The following ITLN2 variants were observed in gnomAD, a reference collection of about 807,000 sequenced individuals.
ITLN2 encodes intelectin 2.
Under a neutral mutation model 39.4 loss-of-function variants are expected in ITLN2, and 29 were observed. The ratio of observed to expected loss-of-function variants is 0.74; its 90% CI spans 0.55 to 1.00. The LOEUF (loss-of-function observed/expected upper bound fraction) is 1.00, where lower values mean the gene tolerates loss of function less well. Ranked by LOEUF, ITLN2 falls within the 50% of genes least tolerant of loss-of-function variation. The probability of loss-of-function intolerance (pLI) is 0.00; values close to 1 mark genes in which losing one functional copy is unlikely to be tolerated. For missense variants in ITLN2, 412 were observed against 416.7 expected, an observed-to-expected ratio of 0.99 and a Z score of 0.10; for synonymous variants, 156 against 153.4, an observed-to-expected ratio of 1.02 and a Z score of -0.12.
At chr1:160,951,387 C>A in intron 3 of ITLN2, 97 bp from the exon 4 acceptor site, 1 of 1,457,432 alleles carries the variant, frequency 6.9e-7, no homozygotes, top group Non-Finnish European at 9.2e-7. Flanking sequence ...AAAGCACACT[C>A]AGAAGACTCC....
At chr1:160,950,230 G>A in intron 5 of ITLN2, 64 bp from the exon 6 acceptor site, 1 of 1,568,816 alleles carries the variant, frequency 6.4e-7, no homozygotes, top group South Asian at 1.1e-5. Flanking sequence ...TGTGGGGGGA[G>A]GAGGGGTTTC....
At position 160,954,804 on chromosome 1, in the gene ITLN2, G is replaced by T; in HGVS notation, c.-63C>A. The T allele has an allele frequency of 6.3e-7, 1 of 1,578,286 alleles. No homozygotes were observed. Among genetic ancestry groups the T allele is most frequent in the South Asian group, 1.1e-5 (1 of 89,450 alleles). On this transcript the variant is annotated 5_prime_UTR_variant, in exon 1 of 8. Coordinates refer to ENST00000368029, the MANE Select transcript of ITLN2 (RefSeq NM_080878.3). ...GGACACTCGGAGCTCCCCTGCAGAG[G>T]ATCCTGATGAAGGGTGAAGTGCTGG...
At chr1:160,952,333 C>T (rs2101940657) in intron 3 of ITLN2, among the ~76,000 whole-genome samples, 1 of 152,244 alleles carries the variant, frequency 6.6e-6, no homozygotes, top group Middle Eastern at 3.4e-3. Context: ...AGGTTTTCTG[C>T]CAGCATCTAT....
At chr1:160,952,367 A>T (rs1006562138) in intron 3 of ITLN2, among the ~76,000 whole-genome samples, 9 of 151,878 alleles carry the variant, frequency 5.9e-5, no homozygotes, top group African/African-American at 2.2e-4. Flanking sequence ...GTAGGGGCAA[A>T]TCTCAGACGC....
chr1:160,948,599 G>A (rs2101937707), intron 6 of ITLN2: 1 of 149,158 alleles, frequency 6.7e-6, no homozygotes, highest in Admixed American at 6.7e-5. Flanking sequence ...CTCTGCTAGT[G>A]GTTCTTTCCT....
intron 3 of ITLN2, among the ~76,000 whole-genome samples, chr1:160,951,820 A>G (rs575869424): frequency 6.6e-6 from 1 of 152,342 alleles, no homozygotes; most frequent in African/African-American, 2.4e-5. Context: ...TTCCCCAAAC[A>G]TGGAAAGATG....
chr1:160,950,547 G>C lies in ITLN2; in HGVS notation c.600+6C>G, dbSNP rs1671716332. On this transcript the variant is annotated splice_donor_region_variant and intron_variant, in intron 5 of 7. Transcript: ENST00000368029. ...AAAGTGCCCCCCAGCCAGCAGCCCT[G>C]TGTACCTGGTAGATGCCAAACAGAT... 1.2e-6 allele frequency: 2 copies of C among 1,613,260 alleles called. No homozygotes were observed. Among genetic ancestry groups the C allele is most frequent in the East Asian group, 4.5e-5 (2 of 44,882 alleles).
chr1:160,950,816 C>T, intron 4 of ITLN2, 105 bp from the exon 5 acceptor site: 3 of 1,515,860 alleles, frequency 2.0e-6, no homozygotes, highest in Non-Finnish European at 2.7e-6. Flanking sequence ...GATCAGTAGG[C>T]AGATGGCCAG....
Position 160,952,699 on chromosome 1 carries a change from T to A in ITLN2, c.114A>T (p.Glu38Asp). The part of the protein sequence containing the change: ...AASSLEMLSR[E>D]FETCAFSFSS... ...AAAAGGAGAAGGCACAGGTTTCGAA[T>A]TCCCTCGAGAGCATCTCAAGAGAAG... The change falls in exon 3 of 8, where the codon GAA (glutamate) becomes GAT (aspartate). Residue 38 changes from glutamate to aspartate, a missense_variant. Physicochemically the swap from Glu to Asp is conservative, Grantham distance 45 (BLOSUM62 2). Transcript: ENST00000368029. The A allele has an allele frequency of 6.2e-7, 1 of 1,614,002 alleles. No individual in the cohort carries two copies. Among genetic ancestry groups the A allele is most frequent in the South Asian group, 1.1e-5 (1 of 91,074 alleles).
Position 160,945,228 on chromosome 1 carries a change from G to T in ITLN2, c.890C>A (p.Ala297Asp). 1 of 1,607,374 alleles carries T rather than the reference G, an allele frequency of 6.2e-7. No individual in the cohort carries two copies. The highest frequency in any genetic ancestry group is 8.5e-7 in the Non-Finnish European group (1 of 1,178,352). The change falls in exon 8 of 8, where the codon GCC becomes GAC. Residue 297 changes from alanine to aspartate, a missense_variant. Transcript: ENST00000368029. ...GKPRQCGDFS[A>D]FDWDGYGTHV... ...AGTTCCATATCCATCCCAGTCAAAG[G>T]CGGAGAAGTCCCCACACTGACGGGG...
Position 160,950,142 on chromosome 1 carries a change from C to T in ITLN2, c.625G>A (p.Gly209Arg), listed in dbSNP as rs1178830212. Residue 209 changes from glycine (G) to arginine (R), a missense_variant, in exon 6 of 8, where the codon GGG (glycine) becomes AGG (arginine). Gly to Arg is a moderately radical substitution (Grantham distance 125). Transcript: ENST00000368029. ...YQKYPVKYRSGKCWNDNGPAI... is the reference protein window; with the variant it reads ...YQKYPVKYRSRKCWNDNGPAI... ...GGGCCATTGTCATTCCAACATTTCC[C>T]TGATCTGTATTTCACTGGGTATTTC... is the stretch of plus-strand genomic sequence containing the variant. 1 of 1,613,916 alleles carries T rather than the reference C, an allele frequency of 6.2e-7. No individual in the cohort carries two copies.
At position 160,952,622 on chromosome 1, in the gene ITLN2, C is replaced by A. The variant is rs1198842081; in HGVS notation, c.191G>T (p.Gly64Val). The A allele has an allele frequency of 6.2e-7, 1 of 1,608,860 alleles. No homozygotes were observed. The highest frequency in any genetic ancestry group is 8.5e-7 in the Non-Finnish European group (1 of 1,175,152). Residue 64 changes from glycine (G) to valine (V), a missense_variant and splice_region_variant, in exon 3 of 8, where the codon GGT becomes GTT. Physicochemically the swap from Gly to Val is moderately radical, Grantham distance 109. Coordinates refer to ENST00000368029, the MANE Select transcript of ITLN2 (RefSeq NM_080878.3). ...TGCTGAGTTGGTTCATTACTCACCACCTGCACTATGGCAGCGTTCCTTGAT... is the reference window on the plus strand; with the variant it reads ...TGCTGAGTTGGTTCATTACTCACCAACTGCACTATGGCAGCGTTCCTTGAT... ...KEIKERCHSA[G>V]DGLYFLRTKN...
At chr1:160,947,221 A>G (rs1214291636) in intron 7 of ITLN2, among the ~76,000 whole-genome samples, 4 of 152,250 alleles carry the variant, frequency 2.6e-5, no homozygotes, top group African/African-American at 4.8e-5. Flanking sequence ...GGATGTGCAC[A>G]TAGGCTAGAT....
In ITLN2 at chr1:160,950,958, C is replaced by T. The variant is rs1017623617; in HGVS notation, c.441+85G>A. On this transcript the variant is annotated intron_variant, in intron 4 of 7. Coordinates refer to ENST00000368029, the MANE Select transcript of ITLN2 (RefSeq NM_080878.3). The stretch of plus-strand genomic sequence containing the variant: ...TCTCCAGCCCTTCCCCATATCCCCA[C>T]CTTCCAGCCCTCCCTCCTGCAGGCT... The T allele has an allele frequency of 6.8e-6, 11 of 1,609,422 alleles. No individual in the cohort carries two copies. The South Asian group carries it at 1.1e-4, about 16-fold the overall frequency.
At position 160,950,180 on chromosome 1, in the gene ITLN2, G is replaced by C; in HGVS notation, c.601-14C>G. 1 of 1,613,778 alleles carries C rather than the reference G, an allele frequency of 6.2e-7. No homozygotes were observed. The highest frequency in any genetic ancestry group is 8.5e-7 in the Non-Finnish European group (1 of 1,179,704). On this transcript the variant is annotated splice_polypyrimidine_tract_variant and intron_variant, in intron 5 of 7. Transcript: ENST00000368029. ...CACTGGGTATTTCTGCAGAGACCCA[G>C]AAGAAAGGTTTTGTGAGGACAGTAG...
Position 160,954,674 on chromosome 1 carries a change from C to A in ITLN2, c.15+53G>T, listed in dbSNP as rs2101942113. 2.5e-6 allele frequency: 4 copies of A among 1,603,140 alleles called. No homozygotes were observed. In the South Asian group the frequency reaches 3.3e-5, roughly 13 times the overall value. The stretch of plus-strand genomic sequence containing the variant: ...AAACTCTAAATCTCTAAAACTGAGA[C>A]CTGAGCTGGCATCATTGCTCCCACA... On this transcript the variant is annotated intron_variant, in intron 1 of 7. Coordinates refer to ENST00000368029, the MANE Select transcript of ITLN2 (RefSeq NM_080878.3).
At chr1:160,945,366 C>A in intron 7 of ITLN2, 74 bp from the exon 8 acceptor site, 1 of 1,380,132 alleles carries the variant, frequency 7.2e-7, no homozygotes, top group South Asian at 1.6e-5. Flanking sequence ...AGGCTGGTCT[C>A]GAACTCCAGA....
At chr1:160,952,279 T>G (rs902415578) in intron 3 of ITLN2, among the ~76,000 whole-genome samples, 1 of 152,228 alleles carries the variant, frequency 6.6e-6, no homozygotes, top group Non-Finnish European at 1.5e-5. Flanking sequence ...GCTACTGCTA[T>G]TTCTGTGATT....
intron 3 of ITLN2, 169 bp from the exon 4 acceptor site, chr1:160,951,459 A>C (rs1336309156): frequency 1.2e-6 from 1 of 808,456 alleles, no homozygotes; most frequent in Non-Finnish European, 1.9e-6. Flanking sequence ...CTATGAGCAG[A>C]GGCACTGACT....
Sources: allele counts gnomAD v4.1 joint callset (sites outside exome capture counted in the v4.1 genomes callset), GRCh38; gene constraint gnomAD v4.1.1; transcripts MANE v1.5; gene names NCBI Gene and HGNC (gene_info 2026-07-23, HGNC 2026-07-21).